Variants in ALMS1 observed in about 807,000 individuals in gnomAD.
ALMS1 encodes centrosome-associated protein ALMS1.
Under a neutral mutation model 352.2 loss-of-function variants are expected in ALMS1, and 271 were observed. That is an observed-to-expected ratio of 0.77 (90% CI 0.70 to 0.85). The LOEUF (loss-of-function observed/expected upper bound fraction) is 0.85, where lower values mean the gene tolerates loss of function less well. ALMS1 is among the 40% of genes least tolerant of loss of function. The probability of loss-of-function intolerance (pLI) is 0.00; values close to 1 mark genes in which losing one functional copy is unlikely to be tolerated. For missense variants in ALMS1, 5,445 were observed against 4,870.7 expected, an observed-to-expected ratio of 1.12 and a Z score of -3.51; for synonymous variants, 1,865 against 1,761.2, an observed-to-expected ratio of 1.06 and a Z score of -1.48.
chr2:73,523,693 G>A (rs1418022283), intron 11 of ALMS1, among the ~76,000 whole-genome samples: 5 of 152,068 alleles, frequency 3.3e-5, no homozygotes, highest in Non-Finnish European at 7.4e-5. Context: ...CTTGAACCCG[G>A]AAGGTGGAGG....
At chr2:73,556,783 G>A (rs11686019) in intron 13 of ALMS1, among the ~76,000 whole-genome samples, 58,314 of 151,772 alleles carry the variant, frequency 0.38, 15,476 homozygotes, top group African/African-American at 0.76. Context: ...GCTCACTGCA[G>A]CCTCCACCTC....
intron 15 of ALMS1, among the ~76,000 whole-genome samples, chr2:73,564,723 A>C (rs1674766682): frequency 6.6e-6 from 1 of 152,196 alleles, no homozygotes; most frequent in African/African-American, 2.4e-5. Context: ...AAAAATGTTA[A>C]AGGAAATTCC....
intron 12 of ALMS1, among the ~76,000 whole-genome samples, chr2:73,546,730 G>A (rs965309421): frequency 2.0e-5 from 3 of 152,162 alleles, no homozygotes; most frequent in African/African-American, 4.8e-5. Context: ...AGAATGTTCC[G>A]GCGAGAGGGA....
At chr2:73,550,764 G>C (rs1461910429) in intron 13 of ALMS1, among the ~76,000 whole-genome samples, 1 of 152,034 alleles carries the variant, frequency 6.6e-6, no homozygotes, top group African/African-American at 2.4e-5. Context: ...TGCCACATTA[G>C]TTTATCTCTG....
intron 1 of ALMS1, among the ~76,000 whole-genome samples, chr2:73,390,491 G>C (rs1670622444): frequency 6.6e-6 from 1 of 152,212 alleles, no homozygotes; most frequent in Non-Finnish European, 1.5e-5. Flanking sequence ...TAAGTTTGTA[G>C]TCCTGTTACT....
At chr2:73,485,828 C>A (rs1382636502) in intron 9 of ALMS1, among the ~76,000 whole-genome samples, 2 of 152,212 alleles carry the variant, frequency 1.3e-5, no homozygotes, top group African/African-American at 4.8e-5. Context: ...GTGGGAGTGA[C>A]CCGATTTTCC....
chr2:73,604,857 A>G (rs1675779506), intron 21 of ALMS1, among the ~76,000 whole-genome samples: 2 of 152,172 alleles, frequency 1.3e-5, no homozygotes, highest in African/African-American at 4.8e-5. Context: ...GTGTCTTACC[A>G]CTATTCAAGA....
chr2:73,467,714 A>G (rs1272067479), intron 9 of ALMS1, among the ~76,000 whole-genome samples: 1 of 152,092 alleles, frequency 6.6e-6, no homozygotes, highest in East Asian at 1.9e-4. Flanking sequence ...GAATAGATGA[A>G]TCAATTATGC....
intron 7 of ALMS1, among the ~76,000 whole-genome samples, chr2:73,441,030 G>A (rs1379238303): frequency 6.6e-6 from 1 of 152,148 alleles, no homozygotes; most frequent in Non-Finnish European, 1.5e-5. Context: ...CTTCCTCAAG[G>A]CCTGCTGGTG....
intron 1 of ALMS1, among the ~76,000 whole-genome samples, chr2:73,391,439 G>A (rs1323057970): frequency 6.6e-6 from 1 of 151,316 alleles, no homozygotes; most frequent in African/African-American, 2.4e-5. Flanking sequence ...GACTACAGGC[G>A]CCCGCCACCA....
chr2:73,565,562 A>G, intron 15 of ALMS1, among the ~76,000 whole-genome samples: 1 of 152,208 alleles, frequency 6.6e-6, no homozygotes, highest in Non-Finnish European at 1.5e-5. Context: ...TGGGTTGCAC[A>G]TAGTAACTTA....
chr2:73,537,384 T>G (rs1039011259), intron 12 of ALMS1, among the ~76,000 whole-genome samples: 2 of 152,212 alleles, frequency 1.3e-5, no homozygotes, highest in African/African-American at 2.4e-5. Context: ...TATCTCTGGC[T>G]GACCTTGAGG....
rs1201326833 is a variant in ALMS1 at position 73,596,880 on chromosome 2, T to TC, written c.11548-2521_11548-2520insC. Among the ~76,000 whole-genome samples the TC allele has an allele frequency of 8.0e-3, 1,085 of 135,356 alleles. 4 individuals are homozygous for TC. Among genetic ancestry groups the TC allele is most frequent in the African/African-American group, 0.027 (1,022 of 37,410 alleles). The allele number at this position is 135,356 out of a possible 152,430, so 88.8% of individuals were successfully genotyped here. A position where few individuals can be genotyped will look rare whatever the true frequency, so the allele number is the denominator to read the frequency against. On this transcript the variant is annotated intron_variant, in intron 16 of 22. Transcript: ENST00000613296. ...TACCTCTTTTTTTTTTTTTTTTTTC[T>TC]TTTTTTTTTTTCAGTAACTTTGGCC...
At chr2:73,426,058 T>C (rs1342517903) in intron 5 of ALMS1, among the ~76,000 whole-genome samples, 1 of 152,196 alleles carries the variant, frequency 6.6e-6, no homozygotes. Flanking sequence ...GTCTGTTCCT[T>C]CTCTTGACCT....
chr2:73,541,346 C>T (rs899642319), intron 12 of ALMS1, among the ~76,000 whole-genome samples: 1 of 152,124 alleles, frequency 6.6e-6, no homozygotes, highest in Non-Finnish European at 1.5e-5. Flanking sequence ...TACAACATAC[C>T]ACAATCTCTG....
chr2:73,407,520 T>G (rs1670995581), intron 1 of ALMS1, among the ~76,000 whole-genome samples: 1 of 152,242 alleles, frequency 6.6e-6, no homozygotes, highest in African/African-American at 2.4e-5. Context: ...AATAATGTTT[T>G]TATATTTGTC....
chr2:73,521,491 C>G (rs1673674050), intron 11 of ALMS1, among the ~76,000 whole-genome samples: 1 of 150,812 alleles, frequency 6.6e-6, no homozygotes, highest in Admixed American at 6.7e-5. Flanking sequence ...AATCCCAGCA[C>G]TTTGGGAGGC....
intron 10 of ALMS1, among the ~76,000 whole-genome samples, chr2:73,502,212 A>G (rs1673233055): frequency 6.6e-6 from 1 of 152,058 alleles, no homozygotes; most frequent in Non-Finnish European, 1.5e-5. Flanking sequence ...ATACAAGGCA[A>G]AAGTTCCAGT....
chr2:73,525,797 A>G (rs993327338), intron 11 of ALMS1, among the ~76,000 whole-genome samples: 2 of 151,828 alleles, frequency 1.3e-5, no homozygotes, highest in Non-Finnish European at 2.9e-5. Context: ...ACATTTGTCC[A>G]TTTTTGCTTT....
Sources: allele counts gnomAD v4.1 joint callset (sites outside exome capture counted in the v4.1 genomes callset), GRCh38; gene constraint gnomAD v4.1.1; transcripts MANE v1.5; gene names NCBI Gene and HGNC (gene_info 2026-07-23, HGNC 2026-07-21).